The following KASH5 variants were observed in gnomAD, a reference collection of about 807,000 sequenced individuals.
KASH5 encodes the protein protein KASH5.
Under a neutral mutation model 84.2 loss-of-function variants are expected in KASH5, and 72 were observed. The ratio of observed to expected loss-of-function variants is 0.85; its 90% CI spans 0.71 to 1.04. KASH5 has a LOEUF of 1.04. Ranked by LOEUF, KASH5 falls within the 50% of genes least tolerant of loss-of-function variation. The pLI, the probability that KASH5 is intolerant of heterozygous loss-of-function variation, is 0.00. For missense variants in KASH5, 650 were observed against 701.0 expected, an observed-to-expected ratio of 0.93 and a Z score of 0.82; for synonymous variants, 260 against 279.1, an observed-to-expected ratio of 0.93 and a Z score of 0.68.
chr19:49,394,424 T>A, intron 2 of KASH5, 52 bp from the exon 3 acceptor site: 2 of 1,465,214 alleles, frequency 1.4e-6, no homozygotes, highest in Non-Finnish European at 1.9e-6. Context: ...GGGTCACCCC[T>A]CTTCCTTCCT....
chr19:49,395,380 C>T lies in KASH5; in HGVS notation c.335+88C>T, dbSNP rs535707767. ...CTTACTGGAGCCAGCATCCTTTAGG[C>T]CCAAGGACCTACTGTGTTTGGAATG... On this transcript the variant is annotated intron_variant, in intron 4 of 19. Transcript: ENST00000447857. This position sits in a 1 kb window ranked among gnomAD's most constrained non-coding sequence, Gnocchi z 4.4. 5.4e-5 allele frequency: 74 copies of T among 1,371,890 alleles called. No homozygotes were observed. In the African/African-American group the frequency reaches 8.7e-4, roughly 16 times the overall value. The allele number at this position is 1,371,890 out of a possible 1,614,324, so 85.0% of individuals were successfully genotyped here.
chr19:49,400,482 A>G (rs1974332639), intron 9 of KASH5, among the ~76,000 whole-genome samples: 1 of 150,010 alleles, frequency 6.7e-6, no homozygotes, highest in African/African-American at 2.5e-5. Context: ...CTTCTGCCTC[A>G]GCCTCCCAAG....
intron 12 of KASH5, among the ~76,000 whole-genome samples, chr19:49,407,943 G>A (rs1568620003): frequency 6.6e-6 from 1 of 151,834 alleles, no homozygotes; most frequent in Admixed American, 6.6e-5. Context: ...TTGAGACGGA[G>A]TCTTGCTCTG....
In KASH5 at chr19:49,411,898, AGGAG is replaced by A. The variant is rs1371294879; in HGVS notation, c.1270-1058_1270-1055del. 5.7e-4 allele frequency among the ~76,000 whole-genome samples: 83 copies of A among 145,252 alleles called. 3 individuals carry two copies. In the East Asian group the frequency reaches 0.014, roughly 24 times the overall value. On this transcript the variant is annotated intron_variant, in intron 15 of 19. Coordinates refer to ENST00000447857, the MANE Select transcript of KASH5 (RefSeq NM_144688.5). ...AAGGAAGGAAGGAAGGAAGGATGGA[AGGAG>A]GGAGGGAGGGAAGGAGGGAAGGAAG...
chr19:49,394,003 C>G (rs1002120227), intron 2 of KASH5, among the ~76,000 whole-genome samples: 4 of 152,142 alleles, frequency 2.6e-5, no homozygotes, highest in Non-Finnish European at 4.4e-5. Flanking sequence ...GAGACCTGGT[C>G]CCCAGGGTGG....
At chr19:49,397,521 C>A in intron 5 of KASH5, 130 bp from the exon 6 acceptor site, 1 of 790,180 alleles carries the variant, frequency 1.3e-6, no homozygotes, top group Non-Finnish European at 2.1e-6. Flanking sequence ...ACTGCAGCCC[C>A]AAAAGCCCAT....
At position 49,390,870 on chromosome 19, in the gene KASH5, G is replaced by A. The variant is rs369787316; in HGVS notation, c.-14G>A. On this transcript the variant is annotated 5_prime_UTR_variant, in exon 2 of 20. Transcript: ENST00000447857. Reference sequence around the variant, plus strand: ...GTAGCTTTGCCAGCAGCTGCGCCGCGGCAGGGGTGGCCCATGGACCTGCCC... The same window carrying A: ...GTAGCTTTGCCAGCAGCTGCGCCGCAGCAGGGGTGGCCCATGGACCTGCCC... 350 of 1,588,242 alleles carry A rather than the reference G, an allele frequency of 2.2e-4. 2 individuals carry two copies. The African/African-American group carries it at 3.8e-3, about 17-fold the overall frequency.
At chr19:49,411,286 C>T (rs1423420584) in intron 15 of KASH5, among the ~76,000 whole-genome samples, 14 of 151,738 alleles carry the variant, frequency 9.2e-5, no homozygotes. Context: ...GTAAACAGCT[C>T]TATAAACAAG....
rs1974298809 is a variant in KASH5, at chr19:49,399,624, C to T, written c.798+117C>T. The T allele has an allele frequency of 4.5e-6, 7 of 1,540,270 alleles. No individual in the cohort carries two copies. Among genetic ancestry groups the T allele is most frequent in the South Asian group, 1.2e-5 (1 of 83,296 alleles). On this transcript the variant is annotated intron_variant, in intron 9 of 19. Coordinates refer to ENST00000447857, the MANE Select transcript of KASH5 (RefSeq NM_144688.5). The surrounding 1 kb of genome is among the most constrained non-coding windows in gnomAD (Gnocchi z 4.4). ...CTGTCTTGGGGAGACCTCAGAATGTCAGTAGTGTGGGAATGTCCCTGAGGT... is the reference window on the plus strand; with the variant it reads ...CTGTCTTGGGGAGACCTCAGAATGTTAGTAGTGTGGGAATGTCCCTGAGGT...
intron 10 of KASH5, 130 bp downstream of exon 10, chr19:49,407,093 C>A: frequency 1.6e-6 from 2 of 1,269,324 alleles, no homozygotes; most frequent in South Asian, 1.3e-5. Context: ...CAGGACCACC[C>A]AGGCATCCCT....
Position 49,414,905 on chromosome 19 carries a change from C to G in KASH5, c.1329-46C>G, listed in dbSNP as rs759023915. The stretch of plus-strand genomic sequence containing the variant: ...CCCAGCCCATAGTAGGCAAAGGGAA[C>G]CAGGGAGAAGAGGACGAAGCCAGCA... On this transcript the variant is annotated intron_variant, in intron 16 of 19. Transcript: ENST00000447857. The surrounding 1 kb of genome is among the most constrained non-coding windows in gnomAD (Gnocchi z 4.5). The G allele has an allele frequency of 1.3e-6, 2 of 1,595,862 alleles. No homozygotes were observed. Among genetic ancestry groups the G allele is most frequent in the South Asian group, 2.3e-5 (2 of 87,716 alleles).
rs1974950695 is a variant in KASH5, at chr19:49,417,492, C to T, written c.1671C>T (p.Leu557=). ...PTWPHLQLCY[L]QPPPV ...GGCCCCACCTCCAGCTCTGCTACCT[C>T]CAGCCCCCTCCAGTGTGAGAGGCTC... is the stretch of plus-strand genomic sequence containing the variant. Residue 557 remains leucine (L), a synonymous_variant, in exon 20 of 20, where the codon CTC becomes CTT. Transcript: ENST00000447857. This position sits in a 1 kb window ranked among gnomAD's most constrained non-coding sequence, Gnocchi z 5.2. The T allele has an allele frequency of 6.5e-7, 1 of 1,543,104 alleles. No homozygotes were observed. Among genetic ancestry groups the T allele is most frequent in the Non-Finnish European group, 8.8e-7 (1 of 1,142,736 alleles).
At chr19:49,409,992 T>C in intron 15 of KASH5, 117 bp downstream of exon 15, 3 of 1,360,252 alleles carry the variant, frequency 2.2e-6, no homozygotes, top group Non-Finnish European at 2.0e-6. Context: ...GATGAGAAAA[T>C]GTTAATTGAG....
chr19:49,395,785 G>A lies in KASH5; in HGVS notation c.352G>A (p.Glu118Lys). 1 of 1,562,918 alleles carries A rather than the reference G, an allele frequency of 6.4e-7. No individual in the cohort carries two copies. Among genetic ancestry groups the A allele is most frequent in the Non-Finnish European group, 8.7e-7 (1 of 1,153,706 alleles). The change falls in exon 5 of 20, where the codon GAG (glutamate) becomes AAG (lysine). Residue 118 changes from glutamate to lysine, a missense_variant. Coordinates refer to ENST00000447857, the MANE Select transcript of KASH5 (RefSeq NM_144688.5). This position sits in a 1 kb window ranked among gnomAD's most constrained non-coding sequence, Gnocchi z 4.4. ...TTGATACAGGGGATTAGAGCTGGAA[G>A]AGGAGACCGCCTTCCAGGGAGCCCT... Reference protein sequence around the residue: ...CQLHGGLELEEETAFQGALTS... With the variant: ...CQLHGGLELEKETAFQGALTS...
chr19:49,401,702 C>A (rs886538728), intron 9 of KASH5, among the ~76,000 whole-genome samples: 4 of 152,228 alleles, frequency 2.6e-5, no homozygotes, highest in African/African-American at 7.2e-5. Flanking sequence ...GTCTGTCCTG[C>A]ATTCCTCCCC....
In KASH5 at chr19:49,417,542, A is replaced by T; in HGVS notation, c.*32A>T. On this transcript the variant is annotated 3_prime_UTR_variant, in exon 20 of 20. Transcript: ENST00000447857. This position sits in a 1 kb window ranked among gnomAD's most constrained non-coding sequence, Gnocchi z 5.2. ...CTACTTGCCCCTCAGAGCAGTGTCTAGCTCAATAAATCCCCTGGCCCTCTC... is the reference window on the plus strand; with the variant it reads ...CTACTTGCCCCTCAGAGCAGTGTCTTGCTCAATAAATCCCCTGGCCCTCTC... 1 of 1,491,568 alleles carries T rather than the reference A, an allele frequency of 6.7e-7. No homozygotes were observed. The highest frequency in any genetic ancestry group is 1.4e-5 in the African/African-American group (1 of 71,716). 92.4% of individuals were successfully genotyped at this position (1,491,568 alleles called of 1,614,324 possible).
Position 49,396,242 on chromosome 19 carries a change from ACTTT to A in KASH5, c.400+410_400+413del, listed in dbSNP as rs1358239316. 3.6e-4 allele frequency among the ~76,000 whole-genome samples: 44 copies of A among 122,900 alleles called. 4 individuals carry two copies. Among genetic ancestry groups the A allele is most frequent in the Non-Finnish European group, 4.9e-4 (29 of 59,618 alleles). 80.6% of individuals were successfully genotyped at this position (122,900 alleles called of 152,430 possible). ...CACTCCTTGCTCCCCACCCTGCTGGACTTTTTTTTTTTTTTTTTTTTTTTTTTTG... is the reference window on the plus strand; with the variant it reads ...CACTCCTTGCTCCCCACCCTGCTGGATTTTTTTTTTTTTTTTTTTTTTTTG... On this transcript the variant is annotated intron_variant, in intron 5 of 19. Coordinates refer to ENST00000447857, the MANE Select transcript of KASH5 (RefSeq NM_144688.5).
At chr19:49,404,815 G>T (rs1440628525) in intron 9 of KASH5, among the ~76,000 whole-genome samples, 3 of 152,132 alleles carry the variant, frequency 2.0e-5, no homozygotes, top group African/African-American at 7.2e-5. Flanking sequence ...GGCACAATTT[G>T]ATATGTATAG....
intron 13 of KASH5, 36 bp downstream of exon 13, chr19:49,409,067 G>A (rs114582767): frequency 1.3e-6 from 2 of 1,581,468 alleles, no homozygotes; most frequent in African/African-American, 2.7e-5. Flanking sequence ...GGAGGCAGGA[G>A]GGGAGCCTAA....
Sources: gnomAD v4.1 joint callset for allele counts (sites outside exome capture counted in the v4.1 genomes callset) on GRCh38, gnomAD v4.1.1 for gene constraint, Gnocchi (gnomAD v3.1) non-coding constraint, MANE v1.5 for transcripts, NCBI Gene and HGNC (gene_info 2026-07-23, HGNC 2026-07-21) for gene names.